Variants in SELENOT observed in about 807,000 individuals in gnomAD.
The protein encoded by SELENOT is selenoprotein T, also known as thioredoxin reductase-like selenoprotein T.
In SELENOT, 9 loss-of-function variants were observed where a neutral mutation model predicts 24.3. That is an observed-to-expected ratio of 0.37 (90% CI 0.22 to 0.65). The LOEUF is 0.65. Ranked by LOEUF, SELENOT falls within the 30% of genes least tolerant of loss-of-function variation. The pLI, the probability that SELENOT is intolerant of heterozygous loss-of-function variation, is 0.60. For synonymous variants in SELENOT, 81 were observed against 86.0 expected, an observed-to-expected ratio of 0.94 and a Z score of 0.32; for missense variants, 166 against 247.6, an observed-to-expected ratio of 0.67 and a Z score of 2.21.
chr3:150,609,105 A>G (rs916854622), intron 1 of SELENOT, among the ~76,000 whole-genome samples: 3 of 152,162 alleles, frequency 2.0e-5, no homozygotes, highest in African/African-American at 7.2e-5. Flanking sequence ...ACTTTTGCCC[A>G]TTCAGTATGA....
intron 1 of SELENOT, chr3:150,603,786 T>A (rs912103318): frequency 7.5e-6 from 2 of 267,748 alleles, no homozygotes; most frequent in Non-Finnish European, 1.4e-5. Context: ...GGGGGACACC[T>A]GTTAGTACGG....
intron 1 of SELENOT, among the ~76,000 whole-genome samples, chr3:150,605,885 A>G (rs537911636): frequency 3.9e-5 from 6 of 152,364 alleles, no homozygotes; most frequent in African/African-American, 1.4e-4. Flanking sequence ...TGAAGTCAGT[A>G]TTATAAAATG....
At chr3:150,614,829 A>G (rs1333142697) in intron 1 of SELENOT, among the ~76,000 whole-genome samples, 1 of 151,774 alleles carries the variant, frequency 6.6e-6, no homozygotes, top group African/African-American at 2.4e-5. Flanking sequence ...AATTGATTCT[A>G]TAATTCATTG....
At chr3:150,613,867 G>C (rs887339280) in intron 1 of SELENOT, among the ~76,000 whole-genome samples, 1 of 151,920 alleles carries the variant, frequency 6.6e-6, no homozygotes. Context: ...TTGAAGACTG[G>C]CAGTAGTTAC....
intron 3 of SELENOT, among the ~76,000 whole-genome samples, chr3:150,623,742 C>T (rs1726386911): frequency 6.6e-6 from 1 of 151,954 alleles, no homozygotes; most frequent in Non-Finnish European, 1.5e-5. Flanking sequence ...TACATTCTTT[C>T]TAGATTACTC....
chr3:150,622,283 G>A (rs538187582), intron 1 of SELENOT, 102 bp from the exon 2 acceptor site: 23 of 475,214 alleles, frequency 4.8e-5, no homozygotes, highest in Middle Eastern at 1.2e-3. Flanking sequence ...GACTGATTTT[G>A]AGAAAAATTT....
chr3:150,620,384 A>G (rs938774105), intron 1 of SELENOT, among the ~76,000 whole-genome samples: 2 of 152,142 alleles, frequency 1.3e-5, no homozygotes, highest in African/African-American at 4.8e-5. Flanking sequence ...GAATCATCTA[A>G]TTGTTAAATT....
intron 1 of SELENOT, among the ~76,000 whole-genome samples, chr3:150,617,800 C>T (rs894052826): frequency 6.6e-6 from 1 of 151,218 alleles, no homozygotes; most frequent in African/African-American, 2.4e-5. Context: ...AAACTGAGCA[C>T]GCTTTTTATC....
At chr3:150,613,665 CTTTTTTTTTTTTTT>C (rs531822237) in intron 1 of SELENOT, among the ~76,000 whole-genome samples, 971 of 78,938 alleles carry the variant, frequency 0.012, 20 homozygotes, top group African/African-American at 0.044. Context: ...AAGATGGGAA[CTTTTTTTTTTTTTT>C]TTTTTTTTTT....
intron 1 of SELENOT, among the ~76,000 whole-genome samples, chr3:150,605,086 T>A (rs1725932493): frequency 1.3e-5 from 2 of 150,418 alleles, no homozygotes; most frequent in Admixed American, 1.3e-4. Context: ...GTTTCTGGAA[T>A]ATATCATCTT....
At chr3:150,624,270 T>C (rs778767663) in intron 3 of SELENOT, among the ~76,000 whole-genome samples, 11 of 152,178 alleles carry the variant, frequency 7.2e-5, no homozygotes, top group South Asian at 6.2e-4. Context: ...GAATTGGCAT[T>C]CTCACTGCAT....
At chr3:150,611,004 CGTGTGT>C (rs113532087) in intron 1 of SELENOT, among the ~76,000 whole-genome samples, 286 of 145,504 alleles carry the variant, frequency 2.0e-3, no homozygotes, top group African/African-American at 5.3e-3. Flanking sequence ...CATCATGAGT[CGTGTGT>C]GTGTGTGTGT....
At chr3:150,620,998 T>C (rs1314541033) in intron 1 of SELENOT, among the ~76,000 whole-genome samples, 1 of 152,190 alleles carries the variant, frequency 6.6e-6, no homozygotes, top group Non-Finnish European at 1.5e-5. Flanking sequence ...ATTACAACTT[T>C]TCTGTAAATT....
rs147107002 is a variant in SELENOT at position 150,629,523 on chromosome 3, C to A, written c.*1894C>A. On this transcript the variant is annotated 3_prime_UTR_variant, in exon 6 of 6. Transcript: ENST00000471696. ...ATTCCACTAGTGCCATAGTTAACTT[C>A]ATGACATGTAGACATTCAAAACTTG... The A allele has an allele frequency of 4.6e-4, 70 of 152,738 alleles. No homozygotes were observed. The highest frequency in any genetic ancestry group is 1.7e-3 in the African/African-American group (70 of 41,558). 9.5% of individuals were successfully genotyped at this position (152,738 alleles called of 1,614,324 possible). A position where few individuals can be genotyped will look rare whatever the true frequency, so the allele number is the denominator to read the frequency against.
intron 1 of SELENOT, among the ~76,000 whole-genome samples, chr3:150,610,189 T>A (rs2108006151): frequency 6.6e-6 from 1 of 152,342 alleles, no homozygotes; most frequent in African/African-American, 2.4e-5. Context: ...CTTAACTAAT[T>A]TTGTTATAGT....
rs1726501587 is a variant in SELENOT, at chr3:150,629,053, G to C, written c.*1424G>C. The stretch of plus-strand genomic sequence containing the variant: ...TGAGTGTCATGTTGGCACTCAAAAA[G>C]GTTCAACATTGAGTCCACTTAACAC... On this transcript the variant is annotated 3_prime_UTR_variant, in exon 6 of 6. Transcript: ENST00000471696. 1 of 152,138 alleles carries C rather than the reference G, an allele frequency of 6.6e-6. No individual in the cohort carries two copies. Among genetic ancestry groups the C allele is most frequent in the Non-Finnish European group, 1.5e-5 (1 of 68,028 alleles). 9.4% of individuals were successfully genotyped at this position (152,138 alleles called of 1,614,324 possible).
chr3:150,608,786 A>G (rs573607765), intron 1 of SELENOT, among the ~76,000 whole-genome samples: 6 of 152,376 alleles, frequency 3.9e-5, no homozygotes, highest in African/African-American at 1.4e-4. Flanking sequence ...GTTTCCACTT[A>G]ATAATGAATT....
intron 1 of SELENOT, among the ~76,000 whole-genome samples, chr3:150,610,390 G>A (rs115710783): frequency 1.1e-4 from 17 of 152,208 alleles, no homozygotes; most frequent in African/African-American, 4.1e-4. Context: ...ACTGTGTTTG[G>A]TTTTTCTTCA....
chr3:150,614,643 A>G (rs1436146651), intron 1 of SELENOT: 5 of 154,428 alleles, frequency 3.2e-5, no homozygotes, highest in Admixed American at 1.3e-4. Flanking sequence ...GGTATAGGAA[A>G]GAGGTAAGAG....
Sources: gnomAD v4.1 joint callset for allele counts (sites outside exome capture counted in the v4.1 genomes callset) on GRCh38, gnomAD v4.1.1 for gene constraint, MANE v1.5 for transcripts, NCBI Gene and HGNC (gene_info 2026-07-23, HGNC 2026-07-21) for gene names.